Variants in TCF7L2 observed in about 807,000 individuals in gnomAD.
The protein encoded by TCF7L2 is transcription factor 7-like 2.
In TCF7L2, 23 loss-of-function variants were observed where a neutral mutation model predicts 77.9. That is an observed-to-expected ratio of 0.30 (90% CI 0.21 to 0.42). The LOEUF (loss-of-function observed/expected upper bound fraction) is 0.42. Ranked by LOEUF, TCF7L2 falls within the 10% of genes least tolerant of loss-of-function variation. TCF7L2 has a pLI of 1.00. For synonymous variants in TCF7L2, 413 were observed against 340.2 expected (o/e 1.21, Z -2.36); for missense variants, 654 against 793.1 (o/e 0.82, Z 2.11).
At chr10:113,165,258 G>A (rs1172606078) in intron 13 of TCF7L2, among the ~76,000 whole-genome samples, 1 of 152,178 alleles carries the variant, frequency 6.6e-6, no homozygotes, top group Non-Finnish European at 1.5e-5. Context: ...CCTCCATGCT[G>A]CTCTCGTATA....
chr10:113,127,756 A>G (rs1172980308), intron 5 of TCF7L2, among the ~76,000 whole-genome samples: 1 of 152,000 alleles, frequency 6.6e-6, no homozygotes, highest in African/African-American at 2.4e-5. Context: ...AAATATCCGG[A>G]AAGAGTTTCT....
intron 5 of TCF7L2, among the ~76,000 whole-genome samples, chr10:113,130,858 C>T (rs1362247037): frequency 2.0e-5 from 3 of 151,954 alleles, no homozygotes; most frequent in African/African-American, 4.8e-5. Flanking sequence ...CTCCACCTCC[C>T]GGGTTCAAGC....
intron 5 of TCF7L2, among the ~76,000 whole-genome samples, chr10:113,052,774 A>G (rs2054687566): frequency 6.6e-6 from 1 of 152,214 alleles, no homozygotes; most frequent in South Asian, 2.1e-4. Context: ...CAGCGGATCT[A>G]GTCGTATTTC....
At chr10:113,023,285 C>T (rs139837203) in intron 4 of TCF7L2, among the ~76,000 whole-genome samples, 1 of 152,264 alleles carries the variant, frequency 6.6e-6, no homozygotes, top group East Asian at 1.9e-4. Context: ...TTCACCTGCA[C>T]CTGAGTAGGG....
intron 4 of TCF7L2, among the ~76,000 whole-genome samples, chr10:113,009,905 G>C (rs2046178528): frequency 6.6e-6 from 1 of 152,166 alleles, no homozygotes; most frequent in Non-Finnish European, 1.5e-5. Flanking sequence ...AGGTAATTAA[G>C]GGAGACCATA....
At chr10:113,029,171 G>T (rs2049750691) in intron 4 of TCF7L2, among the ~76,000 whole-genome samples, 1 of 152,118 alleles carries the variant, frequency 6.6e-6, no homozygotes, top group Non-Finnish European at 1.5e-5. Flanking sequence ...CTAGAGAATG[G>T]ACTCTAAGAT....
At chr10:112,969,942 T>A (rs1226668354) in intron 4 of TCF7L2, among the ~76,000 whole-genome samples, 1 of 152,232 alleles carries the variant, frequency 6.6e-6, no homozygotes, top group Non-Finnish European at 1.5e-5. Flanking sequence ...ATTCCAAACC[T>A]ATGAGCACTG....
intron 5 of TCF7L2, among the ~76,000 whole-genome samples, chr10:113,059,558 G>C (rs1201495202): frequency 6.6e-6 from 1 of 152,150 alleles, no homozygotes; most frequent in Non-Finnish European, 1.5e-5. Context: ...AGCCCTTTCA[G>C]CTCACGGTGG....
At chr10:113,101,553 AAG>A in intron 5 of TCF7L2, among the ~76,000 whole-genome samples, 1 of 151,312 alleles carries the variant, frequency 6.6e-6, no homozygotes, top group Non-Finnish European at 1.5e-5. Context: ...TTAAAAAAAG[AAG>A]AGAGGGGCTG....
chr10:113,155,544 T>A (rs1426723253), intron 11 of TCF7L2, among the ~76,000 whole-genome samples: 1 of 152,198 alleles, frequency 6.6e-6, no homozygotes, highest in East Asian at 1.9e-4. Context: ...TCTTCAGTAG[T>A]CAACATCTCC....
chr10:113,073,801 C>T (rs1032083451), intron 5 of TCF7L2, among the ~76,000 whole-genome samples: 2 of 152,202 alleles, frequency 1.3e-5, no homozygotes, highest in African/African-American at 4.8e-5. Context: ...CAGTGTGACT[C>T]ACCACACCGG....
intron 5 of TCF7L2, among the ~76,000 whole-genome samples, chr10:113,043,189 CT>C (rs1262112016): frequency 6.6e-6 from 1 of 152,220 alleles, no homozygotes; most frequent in Non-Finnish European, 1.5e-5. Flanking sequence ...GAAACTACAA[CT>C]TTACAGATTG....
intron 3 of TCF7L2, among the ~76,000 whole-genome samples, chr10:112,959,952 A>T (rs2034635729): frequency 6.6e-6 from 1 of 151,186 alleles, no homozygotes; most frequent in Non-Finnish European, 1.5e-5. Context: ...AAGTGGACCA[A>T]AAAAACTAAC....
chr10:112,954,668 G>C (rs914338519), intron 3 of TCF7L2, among the ~76,000 whole-genome samples: 1 of 152,192 alleles, frequency 6.6e-6, no homozygotes, highest in African/African-American at 2.4e-5. Flanking sequence ...TAAGAATACT[G>C]TAACCTATTA....
At chr10:113,088,401 G>A (rs570375012) in intron 5 of TCF7L2, among the ~76,000 whole-genome samples, 1 of 152,198 alleles carries the variant, frequency 6.6e-6, no homozygotes, top group Admixed American at 6.5e-5. Flanking sequence ...TCTGTGAAAT[G>A]GGCATGATAC....
intron 5 of TCF7L2, among the ~76,000 whole-genome samples, chr10:113,124,156 G>C (rs1222037426): frequency 6.6e-6 from 1 of 151,042 alleles, no homozygotes; most frequent in African/African-American, 2.5e-5. Context: ...TAAAGATACA[G>C]AGTTCAAAGA....
At chr10:112,998,402 G>A (rs918607075) in intron 4 of TCF7L2, among the ~76,000 whole-genome samples, 12 of 152,312 alleles carry the variant, frequency 7.9e-5, no homozygotes, top group South Asian at 2.1e-4. Flanking sequence ...ACATGTGAAA[G>A]AAAAAGGGAG....
intron 4 of TCF7L2, among the ~76,000 whole-genome samples, chr10:112,979,399 C>A (rs933261996): frequency 6.6e-6 from 1 of 152,116 alleles, no homozygotes; most frequent in Non-Finnish European, 1.5e-5. Context: ...GAGTCAAATT[C>A]GTTAGGATTT....
At chr10:113,070,675 G>C (rs1416353531) in intron 5 of TCF7L2, among the ~76,000 whole-genome samples, 2 of 152,156 alleles carry the variant, frequency 1.3e-5, no homozygotes, top group Non-Finnish European at 2.9e-5. Context: ...ATATTGCTAA[G>C]GGTCTTCCAG....
Sources: allele counts gnomAD v4.1 joint callset (sites outside exome capture counted in the v4.1 genomes callset), GRCh38; gene constraint gnomAD v4.1.1; transcripts MANE v1.5; gene names NCBI Gene and HGNC (gene_info 2026-07-23, HGNC 2026-07-21).